SOX6: variants seen among roughly 807,000 people sequenced by gnomAD.
SOX6 encodes the protein SRY-box transcription factor 6.
In SOX6, 11 loss-of-function variants were observed where a neutral mutation model predicts 97.8. The ratio of observed to expected loss-of-function variants is 0.11; its 90% confidence interval spans 0.07 to 0.19. The LOEUF is 0.19. SOX6 is among the 10% of genes least tolerant of loss of function. The pLI is 1.00. For synonymous variants in SOX6, 360 were observed against 371.4 expected, an observed-to-expected ratio of 0.97 and a Z score of 0.35; for missense variants, 810 against 1,039.5, an observed-to-expected ratio of 0.78 and a Z score of 3.04.
chr11:16,722,510 G>A (rs554804598), intron 2 of SOX6, among the ~76,000 whole-genome samples: 1 of 152,240 alleles, frequency 6.6e-6, no homozygotes, highest in African/African-American at 2.4e-5. Flanking sequence ...AATTAGCTGG[G>A]TGTGGTAGCA....
Position 16,310,715 on chromosome 11 carries a change from A to G in SOX6, c.445+7731T>C, listed in dbSNP as rs186647800. Among the ~76,000 whole-genome samples, 860 of 152,198 alleles carry G rather than the reference A, an allele frequency of 5.7e-3. 15 individuals are homozygous for G. The highest frequency in any genetic ancestry group is 6.2e-3 in the Non-Finnish European group (423 of 67,970). On this transcript the variant is annotated intron_variant, in intron 3 of 15. Coordinates refer to ENST00000683767, the MANE Select transcript of SOX6 (RefSeq NM_001367873.1). ...ATAACAATTTTGCGTGTTTTAATGAATACTTAAAGTGTTTCTTATGCAAAA... is the reference window on the plus strand; with the variant it reads ...ATAACAATTTTGCGTGTTTTAATGAGTACTTAAAGTGTTTCTTATGCAAAA...
chr11:16,717,671 C>G (rs1848228401), intron 2 of SOX6, among the ~76,000 whole-genome samples: 1 of 152,100 alleles, frequency 6.6e-6, no homozygotes. Context: ...TCTCAATACA[C>G]ACTACCCTCT....
chr11:16,001,204 CTTTAAAGA>C (rs1195686705), intron 13 of SOX6, among the ~76,000 whole-genome samples: 1 of 152,084 alleles, frequency 6.6e-6, no homozygotes, highest in Non-Finnish European at 1.5e-5. Context: ...CAAAGTATTT[CTTTAAAGA>C]GCAATTTACC....
chr11:16,516,802 G>C (rs549148780), intron 4 of SOX6, among the ~76,000 whole-genome samples: 58 of 151,282 alleles, frequency 3.8e-4, no homozygotes, highest in South Asian at 1.7e-3. Context: ...AATAGAAAAA[G>C]AGGGAATCCT....
intron 3 of SOX6, among the ~76,000 whole-genome samples, chr11:16,241,084 A>G (rs954802594): frequency 1.3e-5 from 2 of 152,070 alleles, no homozygotes; most frequent in Non-Finnish European, 2.9e-5. Context: ...CAGTTCTCCT[A>G]TGCACACTCA....
At chr11:16,603,129 G>A (rs1292211609) in intron 4 of SOX6, among the ~76,000 whole-genome samples, 1 of 152,240 alleles carries the variant, frequency 6.6e-6, no homozygotes, top group African/African-American at 2.4e-5. Flanking sequence ...GAGTCTTCTA[G>A]TAGGTATCAG....
chr11:16,432,193 T>A (rs1433387560), intron 1 of SOX6, among the ~76,000 whole-genome samples: 2 of 152,122 alleles, frequency 1.3e-5, no homozygotes. Flanking sequence ...ATAGCAATAC[T>A]GTCTTTAATT....
Position 16,186,872 on chromosome 11 carries a change from C to T in SOX6, c.619G>A (p.Ala207Thr), listed in dbSNP as rs1851493834. The T allele has an allele frequency of 6.2e-7, 1 of 1,613,780 alleles. No individual in the cohort carries two copies. ...QLISLREQLL[A>T]AHDEQKKLAA... Reference sequence around the variant, plus strand: ...AGTTTTTTCTGTTCATCATGCGCTGCCAGTAGCTGCTCCCGTAAACTGATC... The same window carrying T: ...AGTTTTTTCTGTTCATCATGCGCTGTCAGTAGCTGCTCCCGTAAACTGATC... The change falls in exon 5 of 16, where the codon GCA becomes ACA. Residue 207 changes from alanine to threonine, a missense_variant. Around this residue, in one of 9 missense-constraint regions of SOX6, gnomAD observed 110 missense variants for 119.0 expected, o/e 0.92. Coordinates refer to ENST00000683767, the MANE Select transcript of SOX6 (RefSeq NM_001367873.1).
chr11:16,520,432 T>A (rs1325560308), intron 4 of SOX6, among the ~76,000 whole-genome samples: 1 of 152,202 alleles, frequency 6.6e-6, no homozygotes, highest in Non-Finnish European at 1.5e-5. Flanking sequence ...ATCAACTTGT[T>A]TATTAACCGT....
At chr11:15,986,159 T>C in intron 15 of SOX6, 45 bp downstream of exon 15, 2 of 1,558,470 alleles carry the variant, frequency 1.3e-6, no homozygotes, top group South Asian at 1.1e-5. Context: ...TATAGTTACT[T>C]ACCGCAAAAG....
intron 6 of SOX6, among the ~76,000 whole-genome samples, chr11:16,144,608 C>G (rs571880623): frequency 6.6e-6 from 1 of 151,852 alleles, no homozygotes; most frequent in Non-Finnish European, 1.5e-5. Flanking sequence ...GCTAGCAAGA[C>G]TAATAAAGAA....
At chr11:16,643,581 C>A (rs185681300) in intron 3 of SOX6, among the ~76,000 whole-genome samples, 1 of 152,154 alleles carries the variant, frequency 6.6e-6, no homozygotes, top group Non-Finnish European at 1.5e-5. Flanking sequence ...GCTTCCCAGC[C>A]GCTTTGTTTA....
intron 4 of SOX6, among the ~76,000 whole-genome samples, chr11:16,583,553 T>G (rs1440502693): frequency 7.0e-6 from 1 of 143,384 alleles, no homozygotes; most frequent in Admixed American, 7.2e-5. Context: ...TTCATTCTTT[T>G]TTATGGATGA....
chr11:16,184,040 A>T, intron 5 of SOX6, 86 bp from the exon 6 acceptor site: 1 of 1,178,428 alleles, frequency 8.5e-7, no homozygotes, highest in Non-Finnish European at 1.3e-6. Context: ...TATTACAACA[A>T]TCTTTTACCG....
chr11:16,706,470 AAATATATATATATATATATATATAT>A (rs1848135514), intron 3 of SOX6, among the ~76,000 whole-genome samples: 1 of 30,678 alleles, frequency 3.3e-5, no homozygotes, highest in African/African-American at 1.7e-4. Context: ...AAAAAAAAAA[AAATATATATATATATATATATATAT>A]ATATATATAT....
At chr11:16,031,256 T>C (rs1300594154) in intron 12 of SOX6, among the ~76,000 whole-genome samples, 1 of 152,184 alleles carries the variant, frequency 6.6e-6, no homozygotes, top group Non-Finnish European at 1.5e-5. Context: ...GTACATGAAA[T>C]CAGGAAGCTC....
At chr11:16,173,950 A>G (rs1851110608) in intron 6 of SOX6, among the ~76,000 whole-genome samples, 2 of 151,342 alleles carry the variant, frequency 1.3e-5, no homozygotes, top group Admixed American at 6.6e-5. Context: ...TGCTCAAGAG[A>G]TCCCCCTACC....
chr11:16,523,150 C>G (rs1379445076), intron 4 of SOX6, among the ~76,000 whole-genome samples: 1 of 151,024 alleles, frequency 6.6e-6, no homozygotes, highest in East Asian at 2.0e-4. Context: ...ATCTACAGGA[C>G]TCTCCATCCC....
chr11:16,623,272 C>G (rs1848571503), intron 3 of SOX6, among the ~76,000 whole-genome samples: 1 of 152,296 alleles, frequency 6.6e-6, no homozygotes, highest in African/African-American at 2.4e-5. Context: ...CCACCCACCT[C>G]AGCCTCCCAA....
Sources: allele counts gnomAD v4.1 joint callset (sites outside exome capture counted in the v4.1 genomes callset), GRCh38; gene constraint gnomAD v4.1.1; regional missense constraint gnomAD v4.1.1; transcripts MANE v1.5; gene names NCBI Gene and HGNC (gene_info 2026-07-23, HGNC 2026-07-21).